Variants in RABGAP1L observed in about 807,000 individuals in gnomAD.
The protein encoded by RABGAP1L is rab GTPase-activating protein 1-like.
Under a neutral mutation model 137.7 loss-of-function variants are expected in RABGAP1L, and 63 were observed. That is an observed-to-expected ratio of 0.46 (90% confidence interval 0.37 to 0.56). RABGAP1L has a LOEUF of 0.56. Among genes scored for constraint, RABGAP1L ranks in the 20% least tolerant of loss-of-function variants. The pLI, the probability that RABGAP1L is intolerant of heterozygous loss-of-function variation, is 0.00. For missense variants in RABGAP1L, 1,095 were observed against 1,244.0 expected (o/e 0.88, Z 1.80); for synonymous variants, 431 against 433.7 (o/e 0.99, Z 0.08).
intron 19 of RABGAP1L, among the ~76,000 whole-genome samples, chr1:174,877,945 C>T (rs1300891361): frequency 1.3e-5 from 2 of 152,156 alleles, no homozygotes; most frequent in Non-Finnish European, 2.9e-5. Context: ...ACGTTTCTAC[C>T]AGTGAGTAAT....
intron 5 of RABGAP1L, among the ~76,000 whole-genome samples, chr1:174,242,043 T>A (rs1021196367): frequency 2.0e-5 from 3 of 152,256 alleles, no homozygotes; most frequent in African/African-American, 7.2e-5. Context: ...GGCTTGATAG[T>A]TGCATATTGC....
intron 19 of RABGAP1L, among the ~76,000 whole-genome samples, chr1:174,816,150 T>C: frequency 7.0e-6 from 1 of 143,124 alleles, no homozygotes; most frequent in African/African-American, 2.6e-5. Context: ...TACATAGCTT[T>C]TTTTTTTTTT....
At chr1:174,709,262 A>G (rs946175982) in intron 17 of RABGAP1L, among the ~76,000 whole-genome samples, 1 of 152,160 alleles carries the variant, frequency 6.6e-6, no homozygotes, top group African/African-American at 2.4e-5. Context: ...GCAGACTTAA[A>G]CATTCCAGCC....
chr1:174,247,051 A>T, intron 5 of RABGAP1L, among the ~76,000 whole-genome samples: 1 of 152,136 alleles, frequency 6.6e-6, no homozygotes, highest in East Asian at 1.9e-4. Context: ...ATCATTCTGT[A>T]TCACTCTGGC....
rs1315206465 is a variant in RABGAP1L, at chr1:174,846,257, G to GC, written c.2340+34299dup. On this transcript the variant is annotated intron_variant, in intron 19 of 25. Coordinates refer to ENST00000681986, the MANE Select transcript of RABGAP1L (RefSeq NM_001366446.1). ...TCTGCTCTGATTTTAGTTATTTCTTGCCTTCTGCTAGCTTTTGAATGTGTT... is the reference window on the plus strand; with the variant it reads ...TCTGCTCTGATTTTAGTTATTTCTTGCCCTTCTGCTAGCTTTTGAATGTGTT... 1.3e-4 allele frequency among the ~76,000 whole-genome samples: 18 copies of GC among 141,538 alleles called. 1 individual carries two copies. The highest frequency in any genetic ancestry group is 4.3e-4 in the Admixed American group (6 of 14,108). 92.9% of individuals were successfully genotyped at this position (141,538 alleles called of 152,430 possible).
intron 17 of RABGAP1L, among the ~76,000 whole-genome samples, chr1:174,751,904 T>A (rs1005296905): frequency 6.6e-5 from 10 of 152,216 alleles, no homozygotes; most frequent in Admixed American, 2.0e-4. Flanking sequence ...TGTTTTTTTT[T>A]ATTTTATTCT....
chr1:174,623,784 G>A (rs1156502220), intron 13 of RABGAP1L, among the ~76,000 whole-genome samples: 1 of 152,138 alleles, frequency 6.6e-6, no homozygotes, highest in Non-Finnish European at 1.5e-5. Flanking sequence ...AACATTGTTA[G>A]ACTATTCAGT....
chr1:174,508,960 G>T (rs1190592036), intron 13 of RABGAP1L, among the ~76,000 whole-genome samples: 1 of 152,226 alleles, frequency 6.6e-6, no homozygotes, highest in East Asian at 1.9e-4. Context: ...TTATGGTGGT[G>T]TAGTATTATA....
At chr1:174,232,510 G>A (rs1461394818) in intron 4 of RABGAP1L, among the ~76,000 whole-genome samples, 10 of 151,226 alleles carry the variant, frequency 6.6e-5, no homozygotes, top group Admixed American at 1.3e-4. Context: ...GTGGCCGGGC[G>A]CGGTGGCTCA....
At chr1:174,712,702 G>A (rs1680657169) in intron 17 of RABGAP1L, among the ~76,000 whole-genome samples, 1 of 152,218 alleles carries the variant, frequency 6.6e-6, no homozygotes, top group African/African-American at 2.4e-5. Flanking sequence ...AGTTTTCCCT[G>A]ATCACCCGTT....
intron 18 of RABGAP1L, among the ~76,000 whole-genome samples, chr1:174,775,606 C>T (rs1686467288): frequency 6.6e-6 from 1 of 152,132 alleles, no homozygotes; most frequent in African/African-American, 2.4e-5. Flanking sequence ...AGCCACTGTG[C>T]CTGGCCGGGA....
chr1:174,514,590 C>T (rs1558299019), intron 13 of RABGAP1L, among the ~76,000 whole-genome samples: 1 of 152,156 alleles, frequency 6.6e-6, no homozygotes, highest in Non-Finnish European at 1.5e-5. Flanking sequence ...ACATTGAGGC[C>T]AAAATTACAG....
chr1:174,817,481 G>A (rs1315809924), intron 19 of RABGAP1L, among the ~76,000 whole-genome samples: 1 of 152,146 alleles, frequency 6.6e-6, no homozygotes, highest in East Asian at 1.9e-4. Context: ...CCCAAGACCT[G>A]AATGTAGGTC....
At chr1:174,986,429 G>C (rs1326060446) in intron 24 of RABGAP1L, among the ~76,000 whole-genome samples, 1 of 152,190 alleles carries the variant, frequency 6.6e-6, no homozygotes, top group Non-Finnish European at 1.5e-5. Context: ...AGGGAATTTA[G>C]GGAGTGTCAC....
intron 15 of RABGAP1L, among the ~76,000 whole-genome samples, chr1:174,690,004 A>G (rs1344394824): frequency 6.6e-6 from 1 of 152,130 alleles, no homozygotes; most frequent in Non-Finnish European, 1.5e-5. Flanking sequence ...AGAAGCATTC[A>G]TTTTCCTATT....
intron 11 of RABGAP1L, among the ~76,000 whole-genome samples, chr1:174,369,295 T>C (rs1477924006): frequency 2.6e-5 from 4 of 152,146 alleles, no homozygotes; most frequent in Non-Finnish European, 4.4e-5. Context: ...GCTCAAGTGA[T>C]CCTCCCATCT....
intron 1 of RABGAP1L, among the ~76,000 whole-genome samples, chr1:174,168,474 A>T (rs935734526): frequency 6.6e-6 from 1 of 151,660 alleles, no homozygotes; most frequent in Non-Finnish European, 1.5e-5. Flanking sequence ...ATTTTTTTTT[A>T]AATCTCATGA....
At chr1:174,438,077 C>G (rs1486310988) in intron 13 of RABGAP1L, among the ~76,000 whole-genome samples, 1 of 152,074 alleles carries the variant, frequency 6.6e-6, no homozygotes. Flanking sequence ...AAGCACTAAA[C>G]ATGGAAAGGA....
chr1:174,533,653 C>A (rs545935301), intron 13 of RABGAP1L, among the ~76,000 whole-genome samples: 1 of 152,042 alleles, frequency 6.6e-6, no homozygotes, highest in South Asian at 2.1e-4. Flanking sequence ...ATATAACATA[C>A]GAAATACGTG....
Sources: allele counts gnomAD v4.1 joint callset (sites outside exome capture counted in the v4.1 genomes callset), GRCh38; gene constraint gnomAD v4.1.1; transcripts MANE v1.5; gene names NCBI Gene and HGNC (gene_info 2026-07-23, HGNC 2026-07-21).